Variants in CRYM observed in about 807,000 individuals in gnomAD.
CRYM encodes the protein ketimine reductase mu-crystallin.
In CRYM, 18 loss-of-function variants were observed where a neutral mutation model predicts 32.9. The observed-to-expected ratio is 0.55, with a 90% CI of 0.38 to 0.81. CRYM has a LOEUF of 0.81. Ranked by LOEUF, CRYM falls within the 30% of genes least tolerant of loss-of-function variation. The pLI is 0.00. For missense variants in CRYM, 337 were observed against 393.5 expected (o/e 0.86, Z 1.21); for synonymous variants, 153 against 152.4 (o/e 1.00, Z -0.03).
At chr16:21,297,400 AG>A (rs1342018918) in intron 1 of CRYM, among the ~76,000 whole-genome samples, 1 of 152,224 alleles carries the variant, frequency 6.6e-6, no homozygotes, top group Non-Finnish European at 1.5e-5. Flanking sequence ...TCTAAAAAAA[AG>A]AGAAAAGAGT....
intron 6 of CRYM, 190 bp downstream of exon 6, chr16:21,261,847 C>T (rs2093355074): frequency 3.2e-6 from 2 of 616,398 alleles, no homozygotes; most frequent in African/African-American, 1.8e-5. Context: ...ATGTCACCAC[C>T]CATAATGCCC....
intron 5 of CRYM, among the ~76,000 whole-genome samples, chr16:21,263,403 AAAAC>A (rs796881345): frequency 3.9e-5 from 6 of 152,164 alleles, no homozygotes; most frequent in East Asian, 1.9e-4. Context: ...TCCATCTCAA[AAAAC>A]AAACAAACAA....
chr16:21,300,468 A>G (rs1960882886), intron 1 of CRYM: 1 of 151,730 alleles, frequency 6.6e-6, no homozygotes, highest in Non-Finnish European at 1.5e-5. Context: ...ACCCAGAGAA[A>G]TCATCCAGTG....
intron 1 of CRYM, among the ~76,000 whole-genome samples, chr16:21,290,367 A>G (rs1458684208): frequency 1.3e-5 from 2 of 152,072 alleles, no homozygotes; most frequent in Non-Finnish European, 1.5e-5. Context: ...CACTCACTAC[A>G]AAGGTCTGCA....
At chr16:21,295,802 C>T (rs190725530) in intron 1 of CRYM, among the ~76,000 whole-genome samples, 1 of 152,070 alleles carries the variant, frequency 6.6e-6, no homozygotes, top group East Asian at 1.9e-4. Context: ...TGTGGTGGCA[C>T]ATGCCTATAG....
chr16:21,260,473 T>C (rs2093352383), intron 7 of CRYM, among the ~76,000 whole-genome samples: 1 of 152,184 alleles, frequency 6.6e-6, no homozygotes, highest in African/African-American at 2.4e-5. Flanking sequence ...CTAATTTTTG[T>C]ATTTTTAGTA....
rs796123334 is a variant in CRYM, at chr16:21,277,880, T to A, written c.170+202A>T. 1.1e-4 allele frequency among the ~76,000 whole-genome samples: 17 copies of A among 152,270 alleles called. No individual in the cohort carries two copies. Among genetic ancestry groups the A allele is most frequent in the African/African-American group, 3.9e-4 (16 of 41,552 alleles). The stretch of plus-strand genomic sequence containing the variant: ...TCAAATGGTGGTATCAATACCTCCC[T>A]AGGTGGAGAGTGTGCTGAAATAAAC... On this transcript the variant is annotated intron_variant, in intron 1 of 7. Transcript: ENST00000572914. This position sits in a 1 kb window ranked among gnomAD's most constrained non-coding sequence, Gnocchi z 4.2.
At chr16:21,261,183 C>T (rs2093353652) in intron 7 of CRYM, 71 bp downstream of exon 7, 1 of 1,145,276 alleles carries the variant, frequency 8.7e-7, no homozygotes, top group Middle Eastern at 2.5e-4. Flanking sequence ...TGACTCATTG[C>T]TCTTTCCACC....
intron 1 of CRYM, among the ~76,000 whole-genome samples, chr16:21,289,475 T>C (rs1005024722): frequency 3.3e-5 from 5 of 152,208 alleles, no homozygotes; most frequent in Non-Finnish European, 5.9e-5. Flanking sequence ...TTAAATTGAA[T>C]CTGTTGTAGG....
intron 5 of CRYM, among the ~76,000 whole-genome samples, chr16:21,264,680 C>T (rs911868453): frequency 2.6e-5 from 4 of 152,182 alleles, no homozygotes; most frequent in Non-Finnish European, 5.9e-5. Context: ...GCCAGGAAAA[C>T]AGAAGAGATG....
At chr16:21,273,445 T>C (rs986199270) in intron 3 of CRYM, among the ~76,000 whole-genome samples, 1 of 152,226 alleles carries the variant, frequency 6.6e-6, no homozygotes, top group Middle Eastern at 3.2e-3. Flanking sequence ...TTGATTCTTC[T>C]GGGAGCACAG....
Position 21,278,231 on chromosome 16 carries a change from G to A in CRYM, c.21C>T (p.Phe7=), listed in dbSNP as rs762929865. ...GTTCCTCCACCTCGGCCGCGCTCAG[G>A]AACGCTGGTACCCGGCTCATCTCGC... is the stretch of plus-strand genomic sequence containing the variant. MSRVPA[F]LSAAEVEEHL... Residue 7 remains phenylalanine (F), a synonymous_variant, in exon 1 of 8, where the codon TTC becomes TTT. Coordinates refer to ENST00000572914, the MANE Select transcript of CRYM (RefSeq NM_001376256.1). 2.5e-6 allele frequency: 4 copies of A among 1,581,260 alleles called. No individual in the cohort carries two copies. Among genetic ancestry groups the A allele is most frequent in the South Asian group, 1.2e-5 (1 of 86,598 alleles).
intron 1 of CRYM, among the ~76,000 whole-genome samples, chr16:21,299,557 G>A (rs145747805): frequency 0.016 from 2,365 of 152,214 alleles, 84 homozygotes; most frequent in East Asian, 0.068. Context: ...TGATCCGCTC[G>A]CCTTGGCCTC....
intron 1 of CRYM, among the ~76,000 whole-genome samples, chr16:21,286,829 T>G (rs1052956326): frequency 1.3e-5 from 2 of 152,062 alleles, no homozygotes; most frequent in Non-Finnish European, 2.9e-5. Flanking sequence ...AGTGGCTCAC[T>G]CCTGTAATCC....
Position 21,269,770 on chromosome 16 carries a change from A to ACCCCC in CRYM, c.489+15_489+19dup. The ACCCCC allele has an allele frequency of 7.1e-6, 3 of 421,324 alleles. No homozygotes were observed. The highest frequency in any genetic ancestry group is 1.3e-5 in the Non-Finnish European group (3 of 228,462). The allele number at this position is 421,324 out of a possible 1,614,324, so 26.1% of individuals were successfully genotyped here. A position where few individuals can be genotyped will look rare whatever the true frequency, so the allele number is the denominator to read the frequency against. On this transcript the variant is annotated intron_variant, in intron 4 of 7. Transcript: ENST00000572914. ...ACCACCCCCTTCCCTCTTCTCTCCC[A>ACCCCC]CCCCCACCCCTGGACTTACCTCCTT... is the stretch of plus-strand genomic sequence containing the variant.
intron 1 of CRYM, chr16:21,283,466 A>G (rs886789431): frequency 2.6e-5 from 4 of 152,090 alleles, no homozygotes; most frequent in Admixed American, 6.5e-5. Flanking sequence ...ATGTAAAAAT[A>G]TTGTATAAAA....
intron 1 of CRYM, among the ~76,000 whole-genome samples, chr16:21,297,202 G>C (rs549122027): frequency 6.6e-6 from 1 of 151,390 alleles, no homozygotes; most frequent in Non-Finnish European, 1.5e-5. Context: ...AGACCAGCCC[G>C]GTCAACATGG....
chr16:21,302,804 G>T (rs916382690), intron 1 of CRYM, among the ~76,000 whole-genome samples: 6 of 152,172 alleles, frequency 3.9e-5, no homozygotes, highest in Non-Finnish European at 7.3e-5. Context: ...ATTCTGGTTT[G>T]TAAAACTAGT....
chr16:21,294,494 CCT>C (rs1960744114), intron 1 of CRYM, among the ~76,000 whole-genome samples: 1 of 151,826 alleles, frequency 6.6e-6, no homozygotes, highest in Non-Finnish European at 1.5e-5. Flanking sequence ...TAATGCTCTC[CCT>C]CTCCTTCCCC....
Sources: allele counts gnomAD v4.1 joint callset (sites outside exome capture counted in the v4.1 genomes callset), GRCh38; gene constraint gnomAD v4.1.1; non-coding constraint Gnocchi (gnomAD v3.1); transcripts MANE v1.5; gene names NCBI Gene and HGNC (gene_info 2026-07-23, HGNC 2026-07-21).